The following LINGO2 variants were observed in gnomAD, a reference collection of about 807,000 sequenced individuals.
The protein encoded by LINGO2 is leucine-rich repeat and immunoglobulin-like domain-containing nogo receptor-interacting protein 2.
A neutral mutation model predicts 30.6 loss-of-function variants in LINGO2; 14 were observed. The observed-to-expected ratio is 0.46, with a 90% CI of 0.30 to 0.72. The LOEUF (loss-of-function observed/expected upper bound fraction) is 0.72. Ranked by LOEUF, LINGO2 falls within the 30% of genes least tolerant of loss-of-function variation. The pLI is 0.07. For missense variants in LINGO2, 729 were observed against 751.7 expected (o/e 0.97, Z 0.35); for synonymous variants, 317 against 288.5 (o/e 1.10, Z -1.00).
intron 4 of LINGO2, among the ~76,000 whole-genome samples, chr9:28,049,794 C>A (rs955488601): frequency 1.3e-5 from 2 of 150,536 alleles, no homozygotes; most frequent in Admixed American, 1.3e-4. Context: ...AGGTAGGAGA[C>A]AATCAGATCA....
At chr9:29,097,428 T>C in the LINGO2 span, among the ~76,000 whole-genome samples, 1 of 138,626 alleles carries the variant, frequency 7.2e-6, no homozygotes, top group Admixed American at 7.4e-5. Context: ...ATTTATGCCC[T>C]TTCTTCTACA....
chr9:28,315,622 G>A (rs1824815664), intron 3 of LINGO2, among the ~76,000 whole-genome samples: 2 of 152,130 alleles, frequency 1.3e-5, no homozygotes, highest in Non-Finnish European at 2.9e-5. Flanking sequence ...GGCTGGTTAA[G>A]TGAAAGAGAT....
At chr9:28,362,172 C>T (rs13288835) in intron 3 of LINGO2, among the ~76,000 whole-genome samples, 5,866 of 152,208 alleles carry the variant, frequency 0.039, 159 homozygotes, top group Non-Finnish European at 0.063. Context: ...ATAAGCCAAA[C>T]TAGGTTTATC....
At chr9:28,528,677 G>A (rs543612920) in intron 1 of LINGO2, among the ~76,000 whole-genome samples, 1 of 152,100 alleles carries the variant, frequency 6.6e-6, no homozygotes, top group East Asian at 1.9e-4. Flanking sequence ...AACTCTACAA[G>A]AGATACTAAA....
At chr9:28,617,728 T>G (rs941509265) in intron 1 of LINGO2, among the ~76,000 whole-genome samples, 1 of 145,984 alleles carries the variant, frequency 6.9e-6, no homozygotes, top group Admixed American at 6.7e-5. Flanking sequence ...CATCTTTACT[T>G]TTTTTTTATT....
At chr9:28,989,287 A>T in the LINGO2 span, among the ~76,000 whole-genome samples, 1 of 152,212 alleles carries the variant, frequency 6.6e-6, no homozygotes, top group African/African-American at 2.4e-5. Context: ...CTGTGTCAAT[A>T]TTAGCATTGC....
intron 4 of LINGO2, among the ~76,000 whole-genome samples, chr9:28,040,433 T>G (rs1384175674): frequency 6.6e-6 from 1 of 151,450 alleles, no homozygotes; most frequent in African/African-American, 2.4e-5. Context: ...AGTTTTTTTT[T>G]TTTTTTTTTT....
chr9:29,111,125 A>T, the LINGO2 span, among the ~76,000 whole-genome samples: 5 of 152,214 alleles, frequency 3.3e-5, no homozygotes, highest in African/African-American at 1.2e-4. Context: ...TGTAAGAATG[A>T]TCCTTTTTTA....
the LINGO2 span, among the ~76,000 whole-genome samples, chr9:29,053,690 A>G: frequency 6.6e-6 from 1 of 152,202 alleles, no homozygotes; most frequent in East Asian, 1.9e-4. Context: ...TGGAGTACCA[A>G]TTATTACATG....
intron 1 of LINGO2, among the ~76,000 whole-genome samples, chr9:28,618,921 C>A (rs1256844717): frequency 6.6e-6 from 1 of 152,100 alleles, no homozygotes; most frequent in Non-Finnish European, 1.5e-5. Context: ...ATTCTACCTA[C>A]CTGTCAGGCT....
chr9:28,330,771 G>A (rs1004529174), intron 3 of LINGO2, among the ~76,000 whole-genome samples: 8 of 152,022 alleles, frequency 5.3e-5, no homozygotes, highest in African/African-American at 1.9e-4. Context: ...TTAATGCTTT[G>A]TGGTATACTC....
At position 28,148,822 on chromosome 9, in the gene LINGO2, G is replaced by A. The variant is rs1225580487; in HGVS notation, c.-86-136417C>T. ...TGTGGCCAGAGAAGGCGGCCTTGAA[G>A]GTGCTGGGTAAAGACCACCTGCCCA... On this transcript the variant is annotated intron_variant, in intron 4 of 5. Transcript: ENST00000379992. This position sits in a 1 kb window ranked among gnomAD's most constrained non-coding sequence, Gnocchi z 5.1. The A allele has an allele frequency of 1.3e-6, 2 of 1,533,832 alleles. No individual in the cohort carries two copies. Among genetic ancestry groups the A allele is most frequent in the South Asian group, 1.2e-5 (1 of 83,960 alleles).
intron 4 of LINGO2, among the ~76,000 whole-genome samples, chr9:28,048,146 A>G (rs76620446): frequency 0.19 from 29,069 of 150,472 alleles, 3,869 homozygotes; most frequent in Admixed American, 0.26. Context: ...TCAGCTTTCC[A>G]AAAAAGGGGT....
chr9:28,716,025 C>T, the LINGO2 span, among the ~76,000 whole-genome samples: 1,559 of 151,942 alleles, frequency 0.01, 25 homozygotes, highest in African/African-American at 0.036. Context: ...ATACAGGCAT[C>T]GTACAAGATA....
chr9:29,037,390 T>C, the LINGO2 span, among the ~76,000 whole-genome samples: 1 of 152,066 alleles, frequency 6.6e-6, no homozygotes, highest in East Asian at 1.9e-4. Context: ...GACATGATAA[T>C]TGAAGTTTTA....
intron 1 of LINGO2, among the ~76,000 whole-genome samples, chr9:28,635,367 T>C (rs192030660): frequency 2.0e-5 from 3 of 152,278 alleles, no homozygotes; most frequent in East Asian, 3.9e-4. Context: ...TGATATTTGA[T>C]ATAAAAATTT....
chr9:28,004,476 C>T (rs1282122310), intron 5 of LINGO2, among the ~76,000 whole-genome samples: 6 of 152,030 alleles, frequency 3.9e-5, no homozygotes, highest in Non-Finnish European at 8.8e-5. Flanking sequence ...GAAGACGTAC[C>T]TTCTTGATAA....
chr9:28,962,695 T>C, the LINGO2 span, among the ~76,000 whole-genome samples: 2 of 151,804 alleles, frequency 1.3e-5, no homozygotes, highest in African/African-American at 4.8e-5. Flanking sequence ...AATAATTTAC[T>C]ACATTTCATT....
chr9:29,197,684 C>A, the LINGO2 span, among the ~76,000 whole-genome samples: 1 of 151,912 alleles, frequency 6.6e-6, no homozygotes, highest in South Asian at 2.1e-4. Flanking sequence ...ATATAATATG[C>A]CTTATGCTTT....
Sources: gnomAD v4.1 joint callset for allele counts (sites outside exome capture counted in the v4.1 genomes callset) on GRCh38, gnomAD v4.1.1 for gene constraint, Gnocchi (gnomAD v3.1) non-coding constraint, MANE v1.5 for transcripts, NCBI Gene and HGNC (gene_info 2026-07-23, HGNC 2026-07-21) for gene names.